DTL: variants seen among roughly 807,000 people sequenced by gnomAD.
DTL encodes the protein denticleless E3 ubiquitin protein ligase adapter.
In DTL, 46 loss-of-function variants were observed where a neutral mutation model predicts 87.0. That is an observed-to-expected ratio of 0.53 (90% confidence interval 0.42 to 0.68). The LOEUF is 0.68. Among genes scored for constraint, DTL ranks in the 30% least tolerant of loss-of-function variants. DTL has a pLI of 0.00. For missense variants in DTL, 737 were observed against 869.4 expected (o/e 0.85, Z 1.91); for synonymous variants, 308 against 311.2 (o/e 0.99, Z 0.11).
At chr1:212,072,760 C>CTTTTTTTT (rs368207666) in intron 11 of DTL, among the ~76,000 whole-genome samples, 4 of 124,770 alleles carry the variant, frequency 3.2e-5, no homozygotes, top group African/African-American at 5.8e-5. Flanking sequence ...ATTTACTAAT[C>CTTTTTTTT]TTTTTTTTTT....
chr1:212,056,264 C>G (rs1668174743), intron 5 of DTL, among the ~76,000 whole-genome samples: 2 of 152,208 alleles, frequency 1.3e-5, no homozygotes, highest in African/African-American at 2.4e-5. Flanking sequence ...CACACAGGCT[C>G]AGACCACTGC....
At chr1:212,085,419 G>A (rs6676589) in intron 13 of DTL, among the ~76,000 whole-genome samples, 5,205 of 152,172 alleles carry the variant, frequency 0.034, 300 homozygotes, top group African/African-American at 0.12. Context: ...ATCTTTTCAT[G>A]TGCTTATTGG....
chr1:212,037,174 G>T (rs1667500962), intron 1 of DTL, among the ~76,000 whole-genome samples: 1 of 152,166 alleles, frequency 6.6e-6, no homozygotes, highest in Non-Finnish European at 1.5e-5. Context: ...TACTATATGT[G>T]TGTTCTGGGG....
chr1:212,081,807 A>C (rs1028497033), intron 13 of DTL, among the ~76,000 whole-genome samples: 1 of 152,204 alleles, frequency 6.6e-6, no homozygotes, highest in Non-Finnish European at 1.5e-5. Context: ...ACCTAGATAA[A>C]TATCCCTGCA....
At chr1:212,097,768 A>G (rs969082982) in intron 13 of DTL, among the ~76,000 whole-genome samples, 1 of 152,140 alleles carries the variant, frequency 6.6e-6, no homozygotes, top group African/African-American at 2.4e-5. Context: ...GTAAGCTAGT[A>G]TAATCTTTTA....
At chr1:212,061,498 C>CA (rs150226369) in intron 5 of DTL, among the ~76,000 whole-genome samples, 125,208 of 143,982 alleles carry the variant, frequency 0.87, 54,557 homozygotes, top group East Asian at 0.99. Flanking sequence ...TAAGATTTCT[C>CA]AAAAAAAAAA....
intron 10 of DTL, among the ~76,000 whole-genome samples, chr1:212,071,329 T>G (rs1654663034): frequency 6.6e-6 from 1 of 152,226 alleles, no homozygotes; most frequent in Non-Finnish European, 1.5e-5. Flanking sequence ...TTCCTAGTAG[T>G]GTTCTGATGT....
intron 8 of DTL, among the ~76,000 whole-genome samples, chr1:212,067,521 A>T (rs767128551): frequency 6.6e-6 from 1 of 152,176 alleles, no homozygotes; most frequent in Non-Finnish European, 1.5e-5. Flanking sequence ...CCTTCTCTTA[A>T]AATTTTTAAT....
At chr1:212,068,560 C>T (rs1233644887) in intron 9 of DTL, 39 bp from the exon 10 acceptor site, 3 of 1,279,072 alleles carry the variant, frequency 2.3e-6, no homozygotes, top group South Asian at 2.4e-5. Flanking sequence ...ATCTACTCAC[C>T]ATCATCAGGA....
intron 14 of DTL, among the ~76,000 whole-genome samples, chr1:212,101,449 C>T (rs996590428): frequency 4.6e-5 from 7 of 152,142 alleles, no homozygotes; most frequent in Non-Finnish European, 7.4e-5. Context: ...TCAAAAATAT[C>T]TCCCCTCTCC....
At chr1:212,068,425 TATGTG>T in intron 9 of DTL, 98 bp downstream of exon 9, 1 of 917,564 alleles carries the variant, frequency 1.1e-6, no homozygotes, top group South Asian at 1.7e-5. Context: ...AAAATTCTAA[TATGTG>T]AAGTTCAAAA....
intron 5 of DTL, among the ~76,000 whole-genome samples, chr1:212,061,064 AAC>A (rs1171551756): frequency 2.6e-4 from 39 of 152,314 alleles, no homozygotes; most frequent in African/African-American, 6.7e-4. Flanking sequence ...AAAGTAGGCA[AAC>A]ACAGACTGGG....
chr1:212,074,705 C>A (rs1225585062), intron 11 of DTL, among the ~76,000 whole-genome samples: 2 of 151,950 alleles, frequency 1.3e-5, no homozygotes, highest in East Asian at 3.9e-4. Context: ...GCTGAGTATC[C>A]AGGCTGTTAG....
At chr1:212,044,618 A>AT in intron 2 of DTL, 42 bp from the exon 3 acceptor site, 2 of 1,265,742 alleles carry the variant, frequency 1.6e-6, no homozygotes, top group Non-Finnish European at 2.2e-6. Context: ...AAAAAAAAAA[A>AT]TTGTGTTACT....
chr1:212,090,696 G>A (rs576754256), intron 13 of DTL, among the ~76,000 whole-genome samples: 10 of 152,232 alleles, frequency 6.6e-5, no homozygotes, highest in South Asian at 6.2e-4. Context: ...TTGATTTACA[G>A]AGAGCAAGCA....
chr1:212,078,074 C>A, intron 11 of DTL, 99 bp from the exon 12 acceptor site: 2 of 633,120 alleles, frequency 3.2e-6, no homozygotes, highest in Non-Finnish European at 5.4e-6. Context: ...CCTTTGGTAA[C>A]AATCCTAAAG....
intron 13 of DTL, among the ~76,000 whole-genome samples, chr1:212,090,578 C>T (rs910298687): frequency 6.6e-5 from 10 of 151,962 alleles, no homozygotes; most frequent in Non-Finnish European, 1.2e-4. Context: ...TGGTAGGGCC[C>T]GAGAGGGAAG....
intron 2 of DTL, 41 bp from the exon 3 acceptor site, chr1:212,044,618 AT>A: frequency 3.2e-6 from 4 of 1,265,688 alleles, no homozygotes; most frequent in African/African-American, 1.7e-5. Flanking sequence ...AAAAAAAAAA[AT>A]TGTGTTACTC....
rs1667835365 is a variant in DTL at position 212,047,330 on chromosome 1, T to G, written c.373T>G (p.Trp125Gly). ...TAAGDQTAKF[W>G]DVKAGELIGT... is the part of the protein sequence containing the mutation. ...AGCAGGTGATCAAACAGCCAAATTT[T>G]GGGACGTAAAAGCTGGTGAGCTGAT... Residue 125 changes from tryptophan to glycine, a missense_variant, in exon 5 of 15, where the codon TGG becomes GGG. By Grantham distance (184) the Trp-to-Gly change is radical. Coordinates refer to ENST00000366991, the MANE Select transcript of DTL (RefSeq NM_016448.4). The G allele has an allele frequency of 6.2e-7, 1 of 1,614,202 alleles. No homozygotes were observed. The highest frequency in any genetic ancestry group is 8.5e-7 in the Non-Finnish European group (1 of 1,180,038).
Sources: gnomAD v4.1 joint callset for allele counts (sites outside exome capture counted in the v4.1 genomes callset) on GRCh38, gnomAD v4.1.1 for gene constraint, MANE v1.5 for transcripts, NCBI Gene and HGNC (gene_info 2026-07-23, HGNC 2026-07-21) for gene names.